Variants in SORCS2 observed in about 807,000 individuals in gnomAD.
SORCS2 encodes the protein VPS10 domain-containing receptor SorCS2.
A neutral mutation model predicts 141.6 loss-of-function variants in SORCS2; 100 were observed. The ratio of observed to expected loss-of-function variants is 0.71; its 90% CI spans 0.60 to 0.83. The LOEUF (loss-of-function observed/expected upper bound fraction) is 0.83. Ranked by LOEUF, SORCS2 falls within the 40% of genes least tolerant of loss-of-function variation. SORCS2 has a pLI of 0.00. For missense variants in SORCS2, 1,646 were observed against 1,560.2 expected (o/e 1.05, Z -0.93); for synonymous variants, 789 against 676.9 (o/e 1.17, Z -2.57).
At chr4:7,512,878 C>T (rs1732749987) in intron 2 of SORCS2, among the ~76,000 whole-genome samples, 1 of 152,124 alleles carries the variant, frequency 6.6e-6, no homozygotes, top group Non-Finnish European at 1.5e-5. Flanking sequence ...GCCCAGGCTG[C>T]CCTGCGGGCC....
chr4:7,389,586 G>A (rs1013269297), intron 1 of SORCS2, among the ~76,000 whole-genome samples: 7 of 152,196 alleles, frequency 4.6e-5, no homozygotes, highest in Non-Finnish European at 8.8e-5. Flanking sequence ...CCTGTGTGCC[G>A]GCCCTGGTGA....
chr4:7,425,468 C>T (rs184784169), intron 2 of SORCS2, among the ~76,000 whole-genome samples: 24 of 152,268 alleles, frequency 1.6e-4, no homozygotes, highest in African/African-American at 3.8e-4. Context: ...AGTGGCGAGA[C>T]GTTCCCCTTC....
At chr4:7,295,572 C>T (rs758675437) in intron 1 of SORCS2, among the ~76,000 whole-genome samples, 3 of 152,122 alleles carry the variant, frequency 2.0e-5, no homozygotes, top group Non-Finnish European at 2.9e-5. Context: ...GGATGGGAAG[C>T]GCTGGTGGGG....
chr4:7,555,107 G>T (rs1225585914), intron 3 of SORCS2, among the ~76,000 whole-genome samples: 1 of 152,156 alleles, frequency 6.6e-6, no homozygotes, highest in African/African-American at 2.4e-5. Context: ...TGGAGTTCAG[G>T]TCTAACCTAT....
chr4:7,578,140 C>T (rs866924636), intron 3 of SORCS2, among the ~76,000 whole-genome samples: 3 of 152,146 alleles, frequency 2.0e-5, no homozygotes, highest in East Asian at 1.9e-4. Flanking sequence ...CTCTCAGAAC[C>T]AGATTGGTTA....
intron 3 of SORCS2, among the ~76,000 whole-genome samples, chr4:7,609,348 C>T (rs1718259290): frequency 6.6e-6 from 1 of 152,192 alleles, no homozygotes; most frequent in South Asian, 2.1e-4. Flanking sequence ...CGTTTCTCTT[C>T]CTCATAGCTC....
At chr4:7,631,469 G>C (rs1354221570) in intron 3 of SORCS2, among the ~76,000 whole-genome samples, 1 of 152,056 alleles carries the variant, frequency 6.6e-6, no homozygotes, top group African/African-American at 2.4e-5. Context: ...TTTTTGCACA[G>C]TGTCGACTCT....
chr4:7,443,744 G>A (rs910679436), intron 2 of SORCS2, among the ~76,000 whole-genome samples: 11 of 152,220 alleles, frequency 7.2e-5, no homozygotes, highest in African/African-American at 1.2e-4. Context: ...GCACCTTGGC[G>A]TTAGAGGGAA....
At chr4:7,256,698 G>A (rs947654236) in intron 1 of SORCS2, among the ~76,000 whole-genome samples, 3 of 151,140 alleles carry the variant, frequency 2.0e-5, no homozygotes, top group African/African-American at 2.4e-5. Context: ...AGCTGTGACA[G>A]CTAAGCCTGG....
intron 3 of SORCS2, among the ~76,000 whole-genome samples, chr4:7,604,577 G>A (rs1717943721): frequency 6.6e-6 from 1 of 152,182 alleles, no homozygotes; most frequent in Non-Finnish European, 1.5e-5. Flanking sequence ...GGGATTACAG[G>A]CATGAGCCGC....
At chr4:7,194,142 A>G (rs1319733906) in intron 1 of SORCS2, among the ~76,000 whole-genome samples, 1 of 152,038 alleles carries the variant, frequency 6.6e-6, no homozygotes, top group Non-Finnish European at 1.5e-5. Context: ...GAATCCCCAG[A>G]GGAGGGTACA....
At chr4:7,479,999 C>A (rs1730533278) in intron 2 of SORCS2, among the ~76,000 whole-genome samples, 1 of 152,222 alleles carries the variant, frequency 6.6e-6, no homozygotes, top group African/African-American at 2.4e-5. Context: ...GGGAGAAGCT[C>A]AGGGTCTGCT....
intron 11 of SORCS2, among the ~76,000 whole-genome samples, chr4:7,692,388 G>T (rs1414271932): frequency 6.6e-6 from 1 of 152,238 alleles, no homozygotes; most frequent in African/African-American, 2.4e-5. Flanking sequence ...CCTCCCAGCT[G>T]TAGGACTCTG....
intron 12 of SORCS2, 103 bp from the exon 13 acceptor site, chr4:7,703,177 C>A (rs1725191181): frequency 4.5e-6 from 4 of 897,650 alleles, no homozygotes; most frequent in Admixed American, 2.7e-5. Context: ...TGCCAACAAC[C>A]CCCGGCTGCA....
Position 7,574,206 on chromosome 4 carries a change from C to T in SORCS2, c.648+42577C>T, listed in dbSNP as rs1715593887. On this transcript the variant is annotated intron_variant, in intron 3 of 26. Coordinates refer to ENST00000507866, the MANE Select transcript of SORCS2 (RefSeq NM_020777.3). ...TTGGGTCCCGTGCGCCTTTGCGGCC[C>T]CAGGACGGGACTGTGTTCCCCACCC... 2.0e-5 allele frequency among the ~76,000 whole-genome samples: 3 copies of T among 152,256 alleles called. No individual in the cohort carries two copies. In the South Asian group the frequency reaches 6.2e-4, roughly 31 times the overall value.
chr4:7,607,079 C>T (rs910101514), intron 3 of SORCS2, among the ~76,000 whole-genome samples: 1 of 152,200 alleles, frequency 6.6e-6, no homozygotes, highest in African/African-American at 2.4e-5. Flanking sequence ...TCTGCCATCT[C>T]TTTGCCGACA....
chr4:7,593,582 G>A (rs1031640105), intron 3 of SORCS2, among the ~76,000 whole-genome samples: 16 of 152,016 alleles, frequency 1.1e-4, no homozygotes, highest in African/African-American at 3.1e-4. Flanking sequence ...GTGCCTGGCC[G>A]AGCCTCAGTG....
At chr4:7,509,347 C>T (rs1163972547) in intron 2 of SORCS2, among the ~76,000 whole-genome samples, 1 of 152,102 alleles carries the variant, frequency 6.6e-6, no homozygotes, top group African/African-American at 2.4e-5. Flanking sequence ...TCTCTTCCCC[C>T]TGCTGGAGCC....
intron 10 of SORCS2, among the ~76,000 whole-genome samples, chr4:7,687,074 A>T (rs1048013998): frequency 9.9e-5 from 15 of 152,212 alleles, no homozygotes; most frequent in African/African-American, 3.6e-4. Context: ...GCACGCAGCA[A>T]GTGACCAGAT....
Sources: allele counts gnomAD v4.1 joint callset (sites outside exome capture counted in the v4.1 genomes callset), GRCh38; gene constraint gnomAD v4.1.1; transcripts MANE v1.5; gene names NCBI Gene and HGNC (gene_info 2026-07-23, HGNC 2026-07-21).